Variants in NLRP2 observed in about 807,000 individuals in gnomAD.
NLRP2 encodes NLR family pyrin domain containing 2.
In NLRP2, 107 loss-of-function variants were observed where a neutral mutation model predicts 97.2. The ratio of observed to expected loss-of-function variants is 1.10; its 90% confidence interval spans 0.94 to 1.29. NLRP2 has a LOEUF of 1.29. Ranked by LOEUF, NLRP2 falls within the 50% of genes most tolerant of loss-of-function variation. The probability of loss-of-function intolerance (pLI) is 0.00; values close to 1 mark genes in which losing one functional copy is unlikely to be tolerated. For synonymous variants in NLRP2, 663 were observed against 551.5 expected (o/e 1.20, Z -2.83); for missense variants, 1,495 against 1,330.3 (o/e 1.12, Z -1.93).
In NLRP2 at chr19:54,990,112, C is replaced by T. The variant is rs773661617; in HGVS notation, c.2457C>T (p.Ser819=). Residue 819 remains serine (S), a synonymous_variant, in exon 9 of 13, where the codon TCC becomes TCT. Transcript: ENST00000448584. ...VNQSLTCVNL[S]DNELLDEGAK... ...AGTCCCTGACGTGCGTAAACCTCTC[C>T]GACAATGAGCTTCTGGATGAGGGTG... 76 of 1,614,044 alleles carry T rather than the reference C, an allele frequency of 4.7e-5. No individual in the cohort carries two copies. The highest frequency in any genetic ancestry group is 9.9e-5 in the South Asian group (9 of 91,088).
At chr19:54,969,767 C>T (rs929424904) in intron 1 of NLRP2, among the ~76,000 whole-genome samples, 1 of 152,168 alleles carries the variant, frequency 6.6e-6, no homozygotes, top group Non-Finnish European at 1.5e-5. Flanking sequence ...TCAAGCAATC[C>T]TCCCACTGCA....
chr19:54,971,430 T>C (rs2070846892), intron 2 of NLRP2, among the ~76,000 whole-genome samples: 1 of 152,138 alleles, frequency 6.6e-6, no homozygotes, highest in Admixed American at 6.6e-5. Context: ...TAGTTTACAG[T>C]CCCACCAACA....
chr19:54,968,259 C>T lies in NLRP2; in HGVS notation c.-17-1740C>T, dbSNP rs925831188. Among the ~76,000 whole-genome samples the T allele has an allele frequency of 2.6e-5, 4 of 151,812 alleles. No homozygotes were observed. In the East Asian group the frequency reaches 7.8e-4, roughly 30 times the overall value. On this transcript the variant is annotated intron_variant, in intron 1 of 12. Transcript: ENST00000448584. ...AGAGACAGGGTCTTAAGTTGCCAGG[C>T]TGGTCTGGAACTTCTGGACTGGAGT...
At chr19:54,990,472 A>G (rs763861804) in intron 9 of NLRP2, 30 bp from the exon 10 acceptor site, 2 of 1,612,838 alleles carry the variant, frequency 1.2e-6, no homozygotes, top group East Asian at 2.2e-5. Context: ...GGACCTGTCA[A>G]CCGTGTTGCC....
Position 54,997,299 on chromosome 19 carries a change from AT to A in NLRP2, c.2880-15del. 1 of 1,612,730 alleles carries A rather than the reference AT, an allele frequency of 6.2e-7. No homozygotes were observed. The highest frequency in any genetic ancestry group is 8.5e-7 in the Non-Finnish European group (1 of 1,179,872). On this transcript the variant is annotated splice_polypyrimidine_tract_variant and intron_variant, in intron 11 of 12. Transcript: ENST00000448584. The stretch of plus-strand genomic sequence containing the variant: ...CAGCACTGGCTGCATTAACGTGTTG[AT>A]TTCTGTGTTTCCCCAGGTTGTGGGG...
rs79231339 is a variant in NLRP2 at position 54,982,892 on chromosome 19, C to T, written c.1194C>T (p.Pro398=). ...CCCTGTTCCAGCTGGGCTCGGCCCC[C>T]GCGGTGTGCTGGATCGTGTGCACGA... ...NAALFQLGSA[P]AVCWIVCTTL... Residue 398 remains proline (P), a synonymous_variant, in exon 6 of 13, where the codon CCC becomes CCT. Coordinates refer to ENST00000448584, the MANE Select transcript of NLRP2 (RefSeq NM_017852.5). 85 of 1,612,974 alleles carry T rather than the reference C, an allele frequency of 5.3e-5. No individual in the cohort carries two copies. The highest frequency in any genetic ancestry group is 2.2e-4 in the South Asian group (20 of 91,040).
intron 1 of NLRP2, 81 bp from the exon 2 acceptor site, chr19:54,969,917 TC>T: frequency 7.2e-7 from 1 of 1,386,838 alleles, no homozygotes; most frequent in Non-Finnish European, 1.0e-6. Flanking sequence ...GTGTCCTTGT[TC>T]GTGGCACAGC....
chr19:54,999,773 A>C (rs73057229), intron 12 of NLRP2, among the ~76,000 whole-genome samples: 2 of 151,810 alleles, frequency 1.3e-5, no homozygotes, highest in African/African-American at 4.8e-5. Context: ...ATCTCACTCT[A>C]TTGCTCAGGC....
rs770863135 is a variant in NLRP2, at chr19:54,982,863, G to A, written c.1165G>A (p.Ala389Thr). 6.3e-5 allele frequency: 101 copies of A among 1,613,116 alleles called. No individual in the cohort carries two copies. The highest frequency in any genetic ancestry group is 8.1e-5 in the Non-Finnish European group (95 of 1,179,968). ...MRAFELMRSNAALFQLGSAPA... is the reference protein window; with the variant it reads ...MRAFELMRSNTALFQLGSAPA... ...TGCCTTTGAGCTAATGAGGAGCAAC[G>A]CGGCCCTGTTCCAGCTGGGCTCGGC... The change falls in exon 6 of 13, where the codon GCG (alanine) becomes ACG (threonine). Residue 389 changes from alanine to threonine, a missense_variant. Physicochemically the swap from Ala to Thr is moderately conservative, Grantham distance 58. Coordinates refer to ENST00000448584, the MANE Select transcript of NLRP2 (RefSeq NM_017852.5).
rs1462779624 is a variant in NLRP2, at chr19:54,983,090, G to C, written c.1392G>C (p.Val464=). ...AAQGLWAQTS[V]LHREDLERLG... The stretch of plus-strand genomic sequence containing the variant: ...AGGGCCTGTGGGCGCAGACGTCCGT[G>C]CTTCACCGAGAGGATCTGGAAAGGC... Residue 464 remains valine, a synonymous_variant, in exon 6 of 13, where the codon GTG becomes GTC. Transcript: ENST00000448584. 2.5e-6 allele frequency: 4 copies of C among 1,613,130 alleles called. No homozygotes were observed. Among genetic ancestry groups the C allele is most frequent in the Non-Finnish European group, 3.4e-6 (4 of 1,179,934 alleles).
Position 54,994,403 on chromosome 19 carries a change from CT to C in NLRP2, c.2846del (p.Leu949Ter), listed in dbSNP as rs2072686919. The stretch of plus-strand genomic sequence containing the variant: ...AAGGGAATGAAGTTCCTGTGTGAGG[CT>C]TTGAGGAAACCACTGTGCAACTTGA... Reference protein sequence around the residue: ...GVKGMKFLCEALRKPLCNLRC... With the variant: ...GVKGMKFLCEXLRKPLCNLRC... On this transcript the variant is annotated frameshift_variant, in exon 11 of 13. Transcript: ENST00000448584. LOFTEE classifies it high-confidence loss of function. The C allele has an allele frequency of 5.0e-6, 8 of 1,613,392 alleles. No individual in the cohort carries two copies. The highest frequency in any genetic ancestry group is 6.8e-6 in the Non-Finnish European group (8 of 1,180,010).
chr19:54,976,625 G>A lies in NLRP2; in HGVS notation c.326-1127G>A, dbSNP rs566870574. On this transcript the variant is annotated intron_variant, in intron 3 of 12. Transcript: ENST00000448584. The stretch of plus-strand genomic sequence containing the variant: ...GCCTCACAAAGTACTGGGATTACAG[G>A]CATGAGCCACCTCACCTGGTGGTGA... Among the ~76,000 whole-genome samples, 3 of 152,066 alleles carry A rather than the reference G, an allele frequency of 2.0e-5. No individual in the cohort carries two copies. The East Asian group carries it at 5.8e-4, about 29-fold the overall frequency.
At position 54,975,748 on chromosome 19, in the gene NLRP2, G is replaced by A. The variant is rs117039454; in HGVS notation, c.325+1204G>A. Among the ~76,000 whole-genome samples the A allele has an allele frequency of 2.5e-3, 384 of 152,024 alleles. 1 individual carries two copies. Among genetic ancestry groups the A allele is most frequent in the Non-Finnish European group, 4.1e-3 (278 of 67,972 alleles). On this transcript the variant is annotated intron_variant, in intron 3 of 12. Transcript: ENST00000448584. ...ATTACAGGCGTGAGCCACCGCGCCC[G>A]GCCCCTGAAGATTGTGTTTTGAGAT...
chr19:54,973,345 T>TG (rs34159659), intron 2 of NLRP2, among the ~76,000 whole-genome samples: 2 of 19,054 alleles, frequency 1.0e-4, no homozygotes, highest in African/African-American at 1.3e-3. Context: ...TGGGTGAGGG[T>TG]TTTTTTTTTT....
At position 54,997,326 on chromosome 19, in the gene NLRP2, A is replaced by T. The variant is rs1015180543; in HGVS notation, c.2889A>T (p.Gly963=). The T allele has an allele frequency of 5.0e-6, 8 of 1,613,390 alleles. No individual in the cohort carries two copies. Among genetic ancestry groups the T allele is most frequent in the Non-Finnish European group, 5.9e-6 (7 of 1,180,026 alleles). ...LCNLRCLWLW[G]CSIPPFSCED... ...TTCTGTGTTTCCCCAGGTTGTGGGGATGTTCCATCCCTCCGTTCAGTTGTG... is the reference window on the plus strand; with the variant it reads ...TTCTGTGTTTCCCCAGGTTGTGGGGTTGTTCCATCCCTCCGTTCAGTTGTG... The change falls in exon 12 of 13, where the codon GGA becomes GGT. Residue 963 remains glycine, a synonymous_variant. Coordinates refer to ENST00000448584, the MANE Select transcript of NLRP2 (RefSeq NM_017852.5).
intron 4 of NLRP2, among the ~76,000 whole-genome samples, chr19:54,981,204 C>G (rs568532257): frequency 6.6e-6 from 1 of 152,250 alleles, no homozygotes; most frequent in South Asian, 2.1e-4. Context: ...GAGTCTTGCT[C>G]TGTTGCCCAG....
Position 54,982,498 on chromosome 19 carries a change from C to G in NLRP2, c.800C>G (p.Pro267Arg). ...GCAGAGCTGGTCTTCAGGGACTGGC[C>G]TGAATTGCAGGATGACATTCCACAC... ...SFAELVFRDW[P>R]ELQDDIPHIL... Residue 267 changes from proline (P) to arginine (R), a missense_variant, in exon 6 of 13, where the codon CCT becomes CGT. Physicochemically the swap from Pro to Arg is moderately radical, Grantham distance 103 (BLOSUM62 -2). Coordinates refer to ENST00000448584, the MANE Select transcript of NLRP2 (RefSeq NM_017852.5). 1 of 1,614,192 alleles carries G rather than the reference C, an allele frequency of 6.2e-7. No individual in the cohort carries two copies. The highest frequency in any genetic ancestry group is 1.1e-5 in the South Asian group (1 of 91,084).
In NLRP2 at chr19:54,983,685, C is replaced by G. The variant is rs769307616; in HGVS notation, c.1987C>G (p.Pro663Ala). 6.2e-6 allele frequency: 10 copies of G among 1,613,678 alleles called. No homozygotes were observed. The highest frequency in any genetic ancestry group is 8.5e-6 in the Non-Finnish European group (10 of 1,180,014). ...MSLQVIKENLPENVTASESDA... is the reference protein window; with the variant it reads ...MSLQVIKENLAENVTASESDA... ...ACTGCAGGTAATAAAGGAGAATCTC[C>G]CGGAGAATGTCACTGCGTCTGAATC... The change falls in exon 6 of 13, where the codon CCG becomes GCG. Residue 663 changes from proline (P) to alanine (A), a missense_variant. Coordinates refer to ENST00000448584, the MANE Select transcript of NLRP2 (RefSeq NM_017852.5).
intron 10 of NLRP2, chr19:54,993,527 T>C (rs996738862): frequency 6.5e-6 from 1 of 154,504 alleles, no homozygotes; most frequent in Admixed American, 6.3e-5. Flanking sequence ...GAGTGTGAGC[T>C]GGTGTCTTCT....
Sources: gnomAD v4.1 joint callset for allele counts (sites outside exome capture counted in the v4.1 genomes callset) on GRCh38, gnomAD v4.1.1 for gene constraint, MANE v1.5 for transcripts, NCBI Gene and HGNC (gene_info 2026-07-23, HGNC 2026-07-21) for gene names.